The following PTK2 variants were observed in gnomAD, a reference collection of about 807,000 sequenced individuals.
The protein encoded by PTK2 is focal adhesion kinase 1.
In PTK2, 45 loss-of-function variants were observed where a neutral mutation model predicts 150.1. The observed-to-expected ratio is 0.30, with a 90% CI of 0.24 to 0.38. PTK2 has a LOEUF of 0.38. Ranked by LOEUF, PTK2 falls within the 10% of genes least tolerant of loss-of-function variation. The pLI is 1.00. For synonymous variants in PTK2, 432 were observed against 449.2 expected (o/e 0.96, Z 0.48); for missense variants, 919 against 1,307.3 (o/e 0.70, Z 4.58).
exon 32 of PTK2, chr8:140,659,338 A>G: frequency 1.5e-6 from 1 of 683,778 alleles, no homozygotes; most frequent in Non-Finnish European, 2.3e-6. Flanking sequence ...TTTCAACCAG[A>G]TGGTCATTCA....
rs549966351 is a variant in PTK2, at chr8:140,775,815, T to C, written c.1178-11525A>G. ...TGAAAAGGACACCTATCAAAATAAA[T>C]CAGTCTCCAAAATACAACTTTCTGA... On this transcript the variant is annotated intron_variant, in intron 14 of 31. Coordinates refer to ENST00000522684, the Ensembl canonical transcript of PTK2. 1.4e-4 allele frequency among the ~76,000 whole-genome samples: 21 copies of C among 152,298 alleles called. No individual in the cohort carries two copies. In the South Asian group the frequency reaches 3.9e-3, roughly 29 times the overall value.
intron 7 of PTK2, among the ~76,000 whole-genome samples, chr8:140,834,725 T>C (rs2100117668): frequency 6.6e-6 from 1 of 152,210 alleles, no homozygotes; most frequent in Non-Finnish European, 1.5e-5. Flanking sequence ...GATAAGAGTT[T>C]AAAACCAATA....
chr8:140,904,095 G>C (rs997430847), intron 2 of PTK2, among the ~76,000 whole-genome samples: 1 of 152,306 alleles, frequency 6.6e-6, no homozygotes, highest in East Asian at 1.9e-4. Flanking sequence ...CAAAGGGAAT[G>C]CATCCAGCTT....
intron 27 of PTK2, among the ~76,000 whole-genome samples, chr8:140,677,718 C>G (rs1442444755): frequency 6.6e-6 from 1 of 152,192 alleles, no homozygotes; most frequent in African/African-American, 2.4e-5. Flanking sequence ...ATTTTAAAGA[C>G]TTGCAAAAAG....
intron 16 of PTK2, among the ~76,000 whole-genome samples, chr8:140,758,003 C>G (rs1393671265): frequency 6.6e-6 from 1 of 152,104 alleles, no homozygotes; most frequent in African/African-American, 2.4e-5. Context: ...TAATAAACGA[C>G]TATGTTACAG....
intron 1 of PTK2, among the ~76,000 whole-genome samples, chr8:140,979,815 A>T (rs1342490468): frequency 6.6e-6 from 1 of 152,208 alleles, no homozygotes; most frequent in East Asian, 1.9e-4. Flanking sequence ...GCTGCCATCC[A>T]TGTACAATGT....
At chr8:140,664,452 A>C (rs562623991) in intron 31 of PTK2, among the ~76,000 whole-genome samples, 1 of 152,326 alleles carries the variant, frequency 6.6e-6, no homozygotes, top group East Asian at 1.9e-4. Flanking sequence ...TTTTTATATT[A>C]CTACTTGAAA....
At chr8:140,773,360 TAGTAAGGGAGAAGGAAGATAAA>T (rs1209615552) in intron 14 of PTK2, among the ~76,000 whole-genome samples, 8 of 152,304 alleles carry the variant, frequency 5.3e-5, no homozygotes, top group African/African-American at 1.9e-4. Context: ...GCTTACGTTC[TAGTAAGGGAGAAGGAAGATAAA>T]ATAAGTAAAT....
At chr8:140,774,926 C>T (rs1246985850) in intron 14 of PTK2, among the ~76,000 whole-genome samples, 1 of 152,224 alleles carries the variant, frequency 6.6e-6, no homozygotes, top group Non-Finnish European at 1.5e-5. Context: ...TTGCCCACCT[C>T]TTTCCCAGAA....
At chr8:140,798,616 TG>T (rs2100093106) in intron 12 of PTK2, among the ~76,000 whole-genome samples, 1 of 152,190 alleles carries the variant, frequency 6.6e-6, no homozygotes, top group African/African-American at 2.4e-5. Flanking sequence ...GTTTTAAACA[TG>T]GAAGGCTCAT....
intron 7 of PTK2, 99 bp from the exon 8 acceptor site, chr8:140,830,625 T>C (rs1298703111): frequency 9.9e-6 from 7 of 703,674 alleles, no homozygotes; most frequent in Non-Finnish European, 1.4e-5. Flanking sequence ...TATTTATCCT[T>C]CCATATATTA....
intron 5 of PTK2, among the ~76,000 whole-genome samples, chr8:140,862,701 A>G (rs1345111778): frequency 1.3e-5 from 2 of 152,172 alleles, no homozygotes; most frequent in East Asian, 3.8e-4. Context: ...AAGCAGTGGC[A>G]TAAGATTTTC....
At chr8:140,769,701 A>G in intron 14 of PTK2, 109 bp from the exon 16 acceptor site, 1 of 630,736 alleles carries the variant, frequency 1.6e-6, no homozygotes, top group Non-Finnish European at 2.4e-6. Context: ...ATGACAAGTA[A>G]ACCAAAGTGT....
At chr8:140,920,342 T>C (rs891589028) in intron 2 of PTK2, among the ~76,000 whole-genome samples, 1 of 152,150 alleles carries the variant, frequency 6.6e-6, no homozygotes, top group Non-Finnish European at 1.5e-5. Context: ...AAATTGTTTA[T>C]GTATGGTATT....
intron 5 of PTK2, among the ~76,000 whole-genome samples, chr8:140,850,098 C>A (rs1450575521): frequency 6.6e-6 from 1 of 150,394 alleles, no homozygotes. Context: ...AAGATCCTTC[C>A]AAAAAAAAAG....
At position 140,659,718 on chromosome 8, in the gene PTK2, G is replaced by C. The variant is rs760283383; in HGVS notation, c.2947-40C>G. On this transcript the variant is annotated intron_variant, in intron 31 of 31. Transcript: ENST00000522684. Reference sequence around the variant, plus strand: ...ATAGGTCAGGAGAACTGTTTTCAGTGATTTTTTTTTTTCTTTTTTAGAGAG... The same window carrying C: ...ATAGGTCAGGAGAACTGTTTTCAGTCATTTTTTTTTTTCTTTTTTAGAGAG... The C allele has an allele frequency of 8.8e-5, 128 of 1,449,456 alleles. 2 individuals are homozygous for C. The South Asian group carries it at 1.5e-3, about 17-fold the overall frequency. The allele number at this position is 1,449,456 out of a possible 1,614,324, so 89.8% of individuals were successfully genotyped here.
chr8:140,846,591 C>G lies in PTK2; in HGVS notation c.530+8G>C. The G allele has an allele frequency of 6.3e-7, 1 of 1,587,312 alleles. No individual in the cohort carries two copies. Among genetic ancestry groups the G allele is most frequent in the Non-Finnish European group, 8.6e-7 (1 of 1,157,028 alleles). On this transcript the variant is annotated splice_region_variant and intron_variant, in intron 6 of 31. Coordinates refer to ENST00000522684, the Ensembl canonical transcript of PTK2. ...AATAAAGGCCGCAATGTATAGTTAT[C>G]ATCTTACCGTATTTCTAGACAACCC...
In PTK2 at chr8:140,957,628, C is replaced by T. The variant is rs561831553; in HGVS notation, c.-121-31879G>A. On this transcript the variant is annotated intron_variant, in intron 1 of 31. Transcript: ENST00000522684. ...CCAGAGCAGCGTTCAGTCCTGCAAG[C>T]TCCATTCCATTCATGCATGTAAGTG... 3.9e-5 allele frequency among the ~76,000 whole-genome samples: 6 copies of T among 152,270 alleles called. No homozygotes were observed. In the South Asian group the frequency reaches 1.2e-3, roughly 32 times the overall value.
intron 2 of PTK2, among the ~76,000 whole-genome samples, chr8:140,902,287 G>A (rs768724023): frequency 1.4e-4 from 21 of 152,070 alleles, no homozygotes; most frequent in Non-Finnish European, 2.4e-4. Flanking sequence ...CACACGCCTC[G>A]GCCTCCAAAA....
Sources: allele counts gnomAD v4.1 joint callset (sites outside exome capture counted in the v4.1 genomes callset), GRCh38; gene constraint gnomAD v4.1.1; transcripts MANE v1.5; gene names NCBI Gene and HGNC (gene_info 2026-07-23, HGNC 2026-07-21).